Variants in ZNF652 observed in about 807,000 individuals in gnomAD.
ZNF652 encodes the protein zinc finger protein 652.
In ZNF652, 16 loss-of-function variants were observed where a neutral mutation model predicts 45.2. The observed-to-expected ratio is 0.35, with a 90% CI of 0.24 to 0.54. The LOEUF is 0.54. Among genes scored for constraint, ZNF652 ranks in the 20% least tolerant of loss-of-function variants. The probability of loss-of-function intolerance (pLI) is 0.91; values close to 1 mark genes in which losing one functional copy is unlikely to be tolerated. For missense variants in ZNF652, 614 were observed against 765.6 expected (o/e 0.80, Z 2.34); for synonymous variants, 250 against 260.6 (o/e 0.96, Z 0.39).
At chr17:49,336,836 G>T (rs1439245299) in intron 1 of ZNF652, among the ~76,000 whole-genome samples, 1 of 150,908 alleles carries the variant, frequency 6.6e-6, no homozygotes, top group South Asian at 2.1e-4. Flanking sequence ...CATCATGTTG[G>T]ATCACGAGGT....
chr17:49,304,736 CAG>C (rs1243000754), intron 5 of ZNF652, among the ~76,000 whole-genome samples: 1 of 152,016 alleles, frequency 6.6e-6, no homozygotes, highest in Non-Finnish European at 1.5e-5. Flanking sequence ...TAAATGAAGA[CAG>C]AGAACCTACA....
Position 49,315,041 on chromosome 17 carries a change from T to A in ZNF652, c.900+1785A>T, listed in dbSNP as rs2960160. Among the ~76,000 whole-genome samples, 212 of 79,592 alleles carry A rather than the reference T, an allele frequency of 2.7e-3. 3 individuals are homozygous for A. The highest frequency in any genetic ancestry group is 7.7e-3 in the Middle Eastern group (1 of 130). The allele number at this position is 79,592 out of a possible 152,430, so 52.2% of individuals were successfully genotyped here. The stretch of plus-strand genomic sequence containing the variant: ...CCGGCCTTAGGGGAGGGTTTTAGTT[T>A]GTTTTTTTTTTTTTTTTGAGACGGA... On this transcript the variant is annotated intron_variant, in intron 2 of 5. Coordinates refer to ENST00000430262, the MANE Select transcript of ZNF652 (RefSeq NM_001145365.3).
At chr17:49,353,895 C>G (rs2070307612) in intron 1 of ZNF652, among the ~76,000 whole-genome samples, 1 of 152,186 alleles carries the variant, frequency 6.6e-6, no homozygotes, top group Admixed American at 6.5e-5. Context: ...TATTAGTACA[C>G]AGTGCACCAC....
chr17:49,345,401 C>T lies in ZNF652; in HGVS notation c.-259+16508G>A, dbSNP rs1244119145. ...TATTTTTAGTAGAAACGGGGTTTCA[C>T]CATGTTGGCCAGCTAGTCGAGAAAT... On this transcript the variant is annotated intron_variant, in intron 1 of 5. Transcript: ENST00000430262. 2.0e-5 allele frequency among the ~76,000 whole-genome samples: 3 copies of T among 151,228 alleles called. No homozygotes were observed. In the East Asian group the frequency reaches 5.8e-4, roughly 29 times the overall value.
chr17:49,320,071 T>G (rs1401643661), intron 1 of ZNF652, among the ~76,000 whole-genome samples: 1 of 152,124 alleles, frequency 6.6e-6, no homozygotes, highest in Non-Finnish European at 1.5e-5. Context: ...ATTTCAGATA[T>G]TACCTTGTCT....
chr17:49,313,973 CAAAAAAAAAAAAAAAAAAAAAA>C lies in ZNF652; in HGVS notation c.901-1150_901-1129del, dbSNP rs71144595. Among the ~76,000 whole-genome samples, 151 of 22,872 alleles carry C rather than the reference CAAAAAAAAAAAAAAAAAAAAAA, an allele frequency of 6.6e-3. 1 individual carries two copies. In the East Asian group the frequency reaches 0.092, roughly 14 times the overall value. 15.0% of individuals were successfully genotyped at this position (22,872 alleles called of 152,430 possible). A position where few individuals can be genotyped will look rare whatever the true frequency, so the allele number is the denominator to read the frequency against. ...GGCAACAAAGAGCGAAACTCCATCT[CAAAAAAAAAAAAAAAAAAAAAA>C]AAAAAAAAAAAAAAAAAAGAAAAGA... On this transcript the variant is annotated intron_variant, in intron 2 of 5. Coordinates refer to ENST00000430262, the MANE Select transcript of ZNF652 (RefSeq NM_001145365.3).
intron 5 of ZNF652, among the ~76,000 whole-genome samples, chr17:49,307,807 G>A (rs1347521888): frequency 6.6e-6 from 1 of 151,936 alleles, no homozygotes; most frequent in East Asian, 1.9e-4. Context: ...TGTTGCAAAG[G>A]TTACATTAAT....
intron 2 of ZNF652, among the ~76,000 whole-genome samples, chr17:49,314,848 T>C (rs926870482): frequency 5.9e-5 from 9 of 152,150 alleles, no homozygotes; most frequent in Non-Finnish European, 1.3e-4. Flanking sequence ...GACAGACTAC[T>C]ACTATCAGCC....
At chr17:49,328,133 A>T (rs1023197718) in intron 1 of ZNF652, among the ~76,000 whole-genome samples, 2 of 152,060 alleles carry the variant, frequency 1.3e-5, no homozygotes, top group African/African-American at 4.8e-5. Flanking sequence ...ATACTTAGCA[A>T]TAGTAAGCAC....
intron 1 of ZNF652, among the ~76,000 whole-genome samples, chr17:49,318,498 C>T (rs1207690894): frequency 1.3e-5 from 2 of 152,206 alleles, no homozygotes; most frequent in African/African-American, 4.8e-5. Flanking sequence ...AATTTTACAA[C>T]AGCAAAAGCC....
intron 1 of ZNF652, among the ~76,000 whole-genome samples, chr17:49,345,454 G>A (rs1162575606): frequency 2.7e-5 from 4 of 150,746 alleles, no homozygotes; most frequent in African/African-American, 4.9e-5. Context: ...TGCCCACCTC[G>A]GCCTCCCAAA....
intron 5 of ZNF652, among the ~76,000 whole-genome samples, chr17:49,307,368 T>C (rs1598286771): frequency 7.1e-6 from 1 of 141,752 alleles, no homozygotes; most frequent in Non-Finnish European, 1.5e-5. Context: ...GAGGTGGAGG[T>C]TGCAGTGAAC....
At chr17:49,345,234 G>C (rs1193466535) in intron 1 of ZNF652, among the ~76,000 whole-genome samples, 1 of 139,406 alleles carries the variant, frequency 7.2e-6, no homozygotes, top group Non-Finnish European at 1.5e-5. Flanking sequence ...ACAGAGTGTT[G>C]CTCTGTCACC....
intron 5 of ZNF652, among the ~76,000 whole-genome samples, chr17:49,310,423 G>C (rs1294779101): frequency 6.6e-6 from 1 of 152,188 alleles, no homozygotes; most frequent in African/African-American, 2.4e-5. Flanking sequence ...TGTTTATGGG[G>C]GAGCTATTAT....
At chr17:49,303,208 T>A (rs1226498930) in intron 5 of ZNF652, among the ~76,000 whole-genome samples, 1 of 150,526 alleles carries the variant, frequency 6.6e-6, no homozygotes, top group Admixed American at 6.7e-5. Context: ...TATCTCTAGG[T>A]AATAAGATCA....
intron 1 of ZNF652, among the ~76,000 whole-genome samples, chr17:49,348,661 A>G (rs1000429100): frequency 6.6e-6 from 1 of 152,166 alleles, no homozygotes; most frequent in Non-Finnish European, 1.5e-5. Flanking sequence ...TTATGAGTCA[A>G]TTGGGACATA....
rs530714369 is a variant in ZNF652 at position 49,310,699 on chromosome 17, C to T, written c.1309+613G>A. On this transcript the variant is annotated intron_variant, in intron 5 of 5. Transcript: ENST00000430262. ...GGCAGATCGCTTGAGCCCAGGAGAT[C>T]GAGACCAGCCTGGGCAACATGGTGA... Among the ~76,000 whole-genome samples the T allele has an allele frequency of 2.8e-4, 42 of 152,174 alleles. No homozygotes were observed. In the South Asian group the frequency reaches 8.1e-3, roughly 29 times the overall value.
rs2070139537 is a variant in ZNF652 at position 49,341,020 on chromosome 17, A to G, written c.-259+20889T>C. On this transcript the variant is annotated intron_variant, in intron 1 of 5. Transcript: ENST00000430262. ...CACTTCAAGCCAGGAGTTCGAGATCAGTCTAACCAGCATGGTGAAACCCTA... is the reference window on the plus strand; with the variant it reads ...CACTTCAAGCCAGGAGTTCGAGATCGGTCTAACCAGCATGGTGAAACCCTA... Among the ~76,000 whole-genome samples the G allele has an allele frequency of 2.0e-5, 3 of 152,264 alleles. No homozygotes were observed. The South Asian group carries it at 6.2e-4, about 32-fold the overall frequency.
intron 5 of ZNF652, among the ~76,000 whole-genome samples, chr17:49,308,792 A>G (rs2069667287): frequency 6.6e-6 from 1 of 151,202 alleles, no homozygotes; most frequent in South Asian, 2.1e-4. Flanking sequence ...ACAGAGCAAT[A>G]GTCCGTCTCA....
Sources: allele counts gnomAD v4.1 joint callset (sites outside exome capture counted in the v4.1 genomes callset), GRCh38; gene constraint gnomAD v4.1.1; transcripts MANE v1.5; gene names NCBI Gene and HGNC (gene_info 2026-07-23, HGNC 2026-07-21).